Variants in KIAA1217 observed in about 807,000 individuals in gnomAD.
KIAA1217 encodes the protein KIAA1217, also known as sickle tail protein homolog.
In KIAA1217, 88 loss-of-function variants were observed where a neutral mutation model predicts 163.9. That is an observed-to-expected ratio of 0.54 (90% CI 0.45 to 0.64). The LOEUF is 0.64. KIAA1217 is among the 30% of genes least tolerant of loss of function. The pLI, the probability that KIAA1217 is intolerant of heterozygous loss-of-function variation, is 0.00. For missense variants in KIAA1217, 2,372 were observed against 2,475.0 expected, an observed-to-expected ratio of 0.96 and a Z score of 0.88; for synonymous variants, 903 against 923.1, an observed-to-expected ratio of 0.98 and a Z score of 0.39.
intron 2 of KIAA1217, among the ~76,000 whole-genome samples, chr10:24,187,803 T>C (rs1329028902): frequency 2.0e-5 from 3 of 151,696 alleles, no homozygotes; most frequent in African/African-American, 7.3e-5. Context: ...GGCAGGAGAA[T>C]CGCTTGAACC....
intron 2 of KIAA1217, among the ~76,000 whole-genome samples, chr10:24,267,117 G>A (rs1418721620): frequency 6.6e-6 from 1 of 152,154 alleles, no homozygotes; most frequent in Non-Finnish European, 1.5e-5. Flanking sequence ...GAGGAGTTTG[G>A]AGTAGAAATT....
intron 5 of KIAA1217, chr10:24,466,557 A>G (rs1342273695): frequency 2.0e-6 from 2 of 985,386 alleles, no homozygotes; most frequent in Non-Finnish European, 2.4e-6. Flanking sequence ...CTCTCCGAAA[A>G]CTGGGTAATA....
intron 1 of KIAA1217, among the ~76,000 whole-genome samples, chr10:23,940,228 G>A (rs938782312): frequency 5.3e-5 from 8 of 151,774 alleles, no homozygotes; most frequent in Non-Finnish European, 1.2e-4. Flanking sequence ...GGGAGGCCAA[G>A]GCGGGTGGAT....
Position 24,543,796 on chromosome 10 carries a change from G to C in KIAA1217, c.4526G>C (p.Gly1509Ala). The change falls in exon 19 of 21, where the codon GGC (glycine) becomes GCC (alanine). Residue 1509 changes from glycine (G) to alanine (A), a missense_variant. Transcript: ENST00000376454. ...ATGTCTCATAAGAAGGTGGCCCCAG[G>C]CAATCTTAGAACCGGACAACAGGTG... is the stretch of plus-strand genomic sequence containing the variant. ...SQMSHKKVAPGNLRTGQQVET... is the reference protein window; with the variant it reads ...SQMSHKKVAPANLRTGQQVET... 1 of 1,613,792 alleles carries C rather than the reference G, an allele frequency of 6.2e-7. No homozygotes were observed. Among genetic ancestry groups the C allele is most frequent in the Non-Finnish European group, 8.5e-7 (1 of 1,179,910 alleles).
At chr10:23,788,728 G>A (rs778658724) in intron 1 of KIAA1217, among the ~76,000 whole-genome samples, 3 of 152,188 alleles carry the variant, frequency 2.0e-5, no homozygotes, top group Non-Finnish European at 2.9e-5. Context: ...TAATCACCAT[G>A]AGCAGCACTT....
intron 2 of KIAA1217, among the ~76,000 whole-genome samples, chr10:24,031,057 C>T (rs753869118): frequency 6.6e-6 from 1 of 152,146 alleles, no homozygotes; most frequent in Non-Finnish European, 1.5e-5. Flanking sequence ...AATGGAATTG[C>T]TGCATTTTAT....
chr10:24,037,774 T>G (rs1386050777), intron 2 of KIAA1217, among the ~76,000 whole-genome samples: 1 of 152,226 alleles, frequency 6.6e-6, no homozygotes, highest in Non-Finnish European at 1.5e-5. Context: ...ACAATATCAT[T>G]GTGATCTAAT....
intron 1 of KIAA1217, among the ~76,000 whole-genome samples, chr10:23,892,965 G>C (rs980039430): frequency 2.0e-5 from 3 of 151,908 alleles, no homozygotes; most frequent in African/African-American, 7.2e-5. Context: ...TTTTGGTTGT[G>C]TCTCTGCCCG....
intron 3 of KIAA1217, among the ~76,000 whole-genome samples, chr10:24,395,933 A>C (rs926865011): frequency 1.3e-5 from 2 of 152,202 alleles, no homozygotes; most frequent in African/African-American, 4.8e-5. Context: ...CTCAGCCTCC[A>C]AAACTGCTGG....
chr10:23,945,075 A>AAAG (rs763057448), intron 1 of KIAA1217, among the ~76,000 whole-genome samples: 15 of 146,466 alleles, frequency 1.0e-4, no homozygotes, highest in Non-Finnish European at 1.9e-4. Flanking sequence ...AAAAAAAAAA[A>AAAG]GGGTTTTAAC....
intron 1 of KIAA1217, among the ~76,000 whole-genome samples, chr10:23,806,014 A>G (rs1233053011): frequency 6.6e-6 from 1 of 150,412 alleles, no homozygotes; most frequent in Non-Finnish European, 1.5e-5. Flanking sequence ...AAAAAAAAAA[A>G]AAAAAAAAAA....
At chr10:24,511,151 T>G (rs1229471429) in intron 9 of KIAA1217, among the ~76,000 whole-genome samples, 1 of 1,828 alleles carries the variant, frequency 5.5e-4, no homozygotes, top group Non-Finnish European at 1.1e-3. Flanking sequence ...AGACTCTGTC[T>G]CAAAAAAAAA....
chr10:23,765,651 G>C (rs1003917406), intron 1 of KIAA1217, among the ~76,000 whole-genome samples: 1 of 152,136 alleles, frequency 6.6e-6, no homozygotes, highest in Non-Finnish European at 1.5e-5. Context: ...TCATGACCGT[G>C]AGTGAGTTCT....
chr10:23,981,320 A>T (rs1009472842), intron 1 of KIAA1217, among the ~76,000 whole-genome samples: 3 of 152,226 alleles, frequency 2.0e-5, no homozygotes, highest in Admixed American at 2.0e-4. Context: ...TGAAGTTTTA[A>T]CAGCTTCATC....
intron 6 of KIAA1217, among the ~76,000 whole-genome samples, chr10:24,491,785 A>C (rs1446574245): frequency 6.6e-6 from 1 of 152,056 alleles, no homozygotes; most frequent in East Asian, 1.9e-4. Flanking sequence ...AATGAGACCT[A>C]CCTATTTCTT....
At chr10:23,936,899 GAC>G (rs1843552823) in intron 1 of KIAA1217, among the ~76,000 whole-genome samples, 1 of 150,776 alleles carries the variant, frequency 6.6e-6, no homozygotes, top group East Asian at 1.9e-4. Flanking sequence ...CTTTTTTTTT[GAC>G]AGTGTTTCTC....
At chr10:23,957,164 C>T (rs1044985346) in intron 1 of KIAA1217, among the ~76,000 whole-genome samples, 2 of 152,136 alleles carry the variant, frequency 1.3e-5, no homozygotes, top group East Asian at 1.9e-4. Context: ...AGCAGAACAA[C>T]GGAATCCACC....
upstream of KIAA1217, among the ~76,000 whole-genome samples, chr10:24,208,200 A>G (rs2067673737): frequency 6.6e-6 from 1 of 151,994 alleles, no homozygotes; most frequent in South Asian, 2.1e-4. Context: ...GGACTGGGTA[A>G]AGAACAAAAT....
chr10:24,531,768 C>A, intron 14 of KIAA1217, 62 bp from the exon 15 acceptor site: 1 of 1,461,276 alleles, frequency 6.8e-7, no homozygotes, highest in Non-Finnish European at 9.2e-7. Flanking sequence ...TAGCAATATA[C>A]CAGACTTTCT....
Sources: allele counts gnomAD v4.1 joint callset (sites outside exome capture counted in the v4.1 genomes callset), GRCh38; gene constraint gnomAD v4.1.1; transcripts MANE v1.5; gene names NCBI Gene and HGNC (gene_info 2026-07-23, HGNC 2026-07-21).